Variants in CASS4 observed in about 807,000 individuals in gnomAD.
CASS4 encodes Cas scaffold protein family member 4.
Under a neutral mutation model 54.2 loss-of-function variants are expected in CASS4, and 22 were observed. The observed-to-expected ratio is 0.41, with a 90% CI of 0.29 to 0.58. CASS4 has a LOEUF of 0.58. Among genes scored for constraint, CASS4 ranks in the 20% least tolerant of loss-of-function variants. CASS4 has a pLI of 0.36. For synonymous variants in CASS4, 409 were observed against 391.5 expected, an observed-to-expected ratio of 1.04 and a Z score of -0.53; for missense variants, 854 against 986.7, an observed-to-expected ratio of 0.87 and a Z score of 1.80.
At chr20:56,419,755 C>T (rs1162731112) in intron 1 of CASS4, among the ~76,000 whole-genome samples, 1 of 150,490 alleles carries the variant, frequency 6.6e-6, no homozygotes, top group African/African-American at 2.4e-5. Flanking sequence ...TAAAACTCCT[C>T]TAGGAGGCCA....
At position 56,451,913 on chromosome 20, in the gene CASS4, C is replaced by T. The variant is rs944293988; in HGVS notation, c.737C>T (p.Thr246Ile). 14 of 1,614,042 alleles carry T rather than the reference C, an allele frequency of 8.7e-6. No homozygotes were observed. The Admixed American group carries it at 1.7e-4, about 19-fold the overall frequency. ...NPQKSEWIYD[T>I]PVSPGKASVR... ...CAGAAATCGGAATGGATTTATGACA[C>T]TCCAGTGTCTCCAGGAAAGGCCAGC... Residue 246 changes from threonine to isoleucine, a missense_variant, in exon 5 of 6, where the codon ACT (threonine) becomes ATT (isoleucine). Thr to Ile is a moderately conservative substitution (Grantham distance 89). Transcript: ENST00000679887.
intron 1 of CASS4, among the ~76,000 whole-genome samples, chr20:56,436,497 C>A (rs2146280401): frequency 2.0e-5 from 3 of 151,672 alleles, no homozygotes; most frequent in Admixed American, 2.0e-4. Context: ...ACAATAACCC[C>A]ATGAGGTAGG....
At chr20:56,424,740 C>CAAAAAAA (rs759106984) in intron 1 of CASS4, among the ~76,000 whole-genome samples, 2 of 72,076 alleles carry the variant, frequency 2.8e-5, no homozygotes, top group African/African-American at 4.8e-5. Flanking sequence ...GACTCTGTCT[C>CAAAAAAA]AAAAAAAAAA....
Position 56,458,579 on chromosome 20 carries a change from C to A in CASS4, c.2193C>A (p.Asn731Lys). ...CMETQERDVR[N>K]EILRGSSHLC... ...AGACCCAGGAGAGGGACGTGCGCAACGAGATCCTCCGTGGCAGCAGTCACC... is the reference window on the plus strand; with the variant it reads ...AGACCCAGGAGAGGGACGTGCGCAAAGAGATCCTCCGTGGCAGCAGTCACC... Residue 731 changes from asparagine (N) to lysine (K), a missense_variant, in exon 6 of 6, where the codon AAC (asparagine) becomes AAA (lysine). Physicochemically the swap from Asn to Lys is moderately conservative, Grantham distance 94 (BLOSUM62 0). Coordinates refer to ENST00000679887, the MANE Select transcript of CASS4 (RefSeq NM_020356.4). 3 of 1,613,688 alleles carry A rather than the reference C, an allele frequency of 1.9e-6. No homozygotes were observed. The highest frequency in any genetic ancestry group is 2.5e-6 in the Non-Finnish European group (3 of 1,179,776).
intron 5 of CASS4, 22 bp downstream of exon 5, chr20:56,453,151 A>T: frequency 6.4e-7 from 1 of 1,574,094 alleles, no homozygotes; most frequent in Non-Finnish European, 8.7e-7. Context: ...GTTCCAAGTG[A>T]TCGAAAAAGG....
Position 56,437,104 on chromosome 20 carries a change from A to T in CASS4, c.37-60A>T, listed in dbSNP as rs77539228. The T allele has an allele frequency of 0.15, 207,069 of 1,380,278 alleles. 16,364 individuals carry two copies. Among genetic ancestry groups the T allele is most frequent in the African/African-American group, 0.2 (13,787 of 68,892 alleles). The allele number at this position is 1,380,278 out of a possible 1,614,324, so 85.5% of individuals were successfully genotyped here. A position where few individuals can be genotyped will look rare whatever the true frequency, so the allele number is the denominator to read the frequency against. On this transcript the variant is annotated intron_variant, in intron 1 of 5. Transcript: ENST00000679887. This position sits in a 1 kb window ranked among gnomAD's most constrained non-coding sequence, Gnocchi z 4.7. ...AAGCTTTCTAAGAGAGTGGGATTGGAGTAGCAGTCACTGGCCACGGTGCTA... is the reference window on the plus strand; with the variant it reads ...AAGCTTTCTAAGAGAGTGGGATTGGTGTAGCAGTCACTGGCCACGGTGCTA...
At chr20:56,424,881 A>G (rs1979568360) in intron 1 of CASS4, among the ~76,000 whole-genome samples, 1 of 152,036 alleles carries the variant, frequency 6.6e-6, no homozygotes, top group African/African-American at 2.4e-5. Flanking sequence ...TGAATGTTAG[A>G]TGAGGGAGGA....
At chr20:56,439,091 T>C (rs1051226485) in intron 2 of CASS4, among the ~76,000 whole-genome samples, 5 of 152,218 alleles carry the variant, frequency 3.3e-5, no homozygotes, top group African/African-American at 9.6e-5. Flanking sequence ...TCAATACATA[T>C]CTGACAAACA....
Position 56,452,700 on chromosome 20 carries a change from T to C in CASS4, c.1524T>C (p.Thr508=). The change falls in exon 5 of 6, where the codon ACT becomes ACC. Residue 508 remains threonine (T), a synonymous_variant. Transcript: ENST00000679887. ...RGVHGTACNL[T]DSNLQNRIRD... is the part of the protein sequence containing the mutation. Reference sequence around the variant, plus strand: ...TCCATGGGACTGCCTGTAACCTCACTGACAGTAACCTTCAGAACAGAATTC... The same window carrying C: ...TCCATGGGACTGCCTGTAACCTCACCGACAGTAACCTTCAGAACAGAATTC... 1 of 1,614,164 alleles carries C rather than the reference T, an allele frequency of 6.2e-7. No individual in the cohort carries two copies. The highest frequency in any genetic ancestry group is 8.5e-7 in the Non-Finnish European group (1 of 1,180,038).
chr20:56,439,946 A>C (rs11907243), intron 2 of CASS4, among the ~76,000 whole-genome samples: 9,454 of 152,284 alleles, frequency 0.062, 648 homozygotes, highest in African/African-American at 0.17. Context: ...GGAAAGGCCA[A>C]GCTCCCTGAG....
chr20:56,457,700 A>C (rs1257477287), intron 5 of CASS4, among the ~76,000 whole-genome samples: 1 of 152,114 alleles, frequency 6.6e-6, no homozygotes, highest in Admixed American at 6.5e-5. Flanking sequence ...AATCTCATCA[A>C]GTTTTTGTGC....
intron 1 of CASS4, among the ~76,000 whole-genome samples, chr20:56,429,516 G>A (rs765133989): frequency 2.0e-5 from 3 of 152,036 alleles, no homozygotes; most frequent in Non-Finnish European, 4.4e-5. Context: ...AACAGCATCC[G>A]CTATGGAAAT....
At chr20:56,427,413 T>C (rs1979698165) in intron 1 of CASS4, among the ~76,000 whole-genome samples, 1 of 152,124 alleles carries the variant, frequency 6.6e-6, no homozygotes, top group African/African-American at 2.4e-5. Context: ...CCTTTTAAAA[T>C]GATGGAAAGT....
At chr20:56,446,249 A>G (rs1268917556) in intron 3 of CASS4, among the ~76,000 whole-genome samples, 1 of 152,162 alleles carries the variant, frequency 6.6e-6, no homozygotes, top group Non-Finnish European at 1.5e-5. Context: ...TTCATTTATA[A>G]TAGATTGTTT....
intron 3 of CASS4, among the ~76,000 whole-genome samples, chr20:56,449,517 G>A (rs1415261532): frequency 8.6e-5 from 13 of 151,286 alleles, no homozygotes; most frequent in Non-Finnish European, 1.6e-4. Flanking sequence ...TGTAAATGAC[G>A]AGTTAATGGG....
In CASS4 at chr20:56,437,643, C is replaced by G; in HGVS notation, c.459+57C>G. On this transcript the variant is annotated intron_variant, in intron 2 of 5. Coordinates refer to ENST00000679887, the MANE Select transcript of CASS4 (RefSeq NM_020356.4). The surrounding 1 kb of genome is among the most constrained non-coding windows in gnomAD (Gnocchi z 4.7). The stretch of plus-strand genomic sequence containing the variant: ...TGAGGGGTATGGAAACACCCAGAGG[C>G]CTAACTACCTCTTGAGGCATGGGTG... The G allele has an allele frequency of 7.0e-7, 1 of 1,422,548 alleles. No homozygotes were observed. The highest frequency in any genetic ancestry group is 9.4e-7 in the Non-Finnish European group (1 of 1,058,290). The allele number at this position is 1,422,548 out of a possible 1,614,324, so 88.1% of individuals were successfully genotyped here. A position where few individuals can be genotyped will look rare whatever the true frequency, so the allele number is the denominator to read the frequency against.
chr20:56,430,752 G>T lies in CASS4; in HGVS notation c.37-6412G>T, dbSNP rs2146274172. 6.6e-6 allele frequency among the ~76,000 whole-genome samples: 1 copy of T among 152,302 alleles called. No individual in the cohort carries two copies. Among genetic ancestry groups the T allele is most frequent in the South Asian group, 2.1e-4 (1 of 4,828 alleles). On this transcript the variant is annotated intron_variant, in intron 1 of 5. Transcript: ENST00000679887. The surrounding 1 kb of genome is among the most constrained non-coding windows in gnomAD (Gnocchi z 4.2). The stretch of plus-strand genomic sequence containing the variant: ...GTGGTCAGGGGCAGCCTCTGCAAAG[G>T]GGTGACTCGAGCTGAGACCCAGAGG...
chr20:56,437,165 C>T lies in CASS4; in HGVS notation c.38C>T (p.Ala13Val), dbSNP rs776911499. 3 of 1,536,704 alleles carry T rather than the reference C, an allele frequency of 2.0e-6. No individual in the cohort carries two copies. Among genetic ancestry groups the T allele is most frequent in the African/African-American group, 1.4e-5 (1 of 72,836 alleles). ...CTCTTCTCCCCTCTCCACCCACAGG[C>T]ACTCCTGGCCAGGGCACTTTATGAC... ...GTGIMDCAPK[A>V]LLARALYDNC... The change falls in exon 2 of 6, where the codon GCA (alanine) becomes GTA (valine). Residue 13 changes from alanine to valine, a missense_variant and splice_region_variant. Transcript: ENST00000679887. The surrounding 1 kb of genome is among the most constrained non-coding windows in gnomAD (Gnocchi z 4.7).
intron 1 of CASS4, among the ~76,000 whole-genome samples, chr20:56,428,350 T>G (rs1979741166): frequency 6.6e-6 from 1 of 152,180 alleles, no homozygotes; most frequent in Non-Finnish European, 1.5e-5. Flanking sequence ...AGACATAGTC[T>G]TGACAACTCA....
Sources: allele counts gnomAD v4.1 joint callset (sites outside exome capture counted in the v4.1 genomes callset), GRCh38; gene constraint gnomAD v4.1.1; non-coding constraint Gnocchi (gnomAD v3.1); transcripts MANE v1.5; gene names NCBI Gene and HGNC (gene_info 2026-07-23, HGNC 2026-07-21).